The following FRMD6 variants were observed in gnomAD, a reference collection of about 807,000 sequenced individuals.
FRMD6 encodes FERM domain containing 6, also known as FERM domain-containing protein 6.
A neutral mutation model predicts 73.2 loss-of-function variants in FRMD6; 37 were observed. The ratio of observed to expected loss-of-function variants is 0.51; its 90% CI spans 0.39 to 0.66. The LOEUF (loss-of-function observed/expected upper bound fraction) is 0.66, where lower values mean the gene tolerates loss of function less well. FRMD6 is among the 30% of genes least tolerant of loss of function. The probability of loss-of-function intolerance (pLI) is 0.00; values close to 1 mark genes in which losing one functional copy is unlikely to be tolerated. For synonymous variants in FRMD6, 273 were observed against 282.2 expected, an observed-to-expected ratio of 0.97 and a Z score of 0.33; for missense variants, 714 against 780.5, an observed-to-expected ratio of 0.91 and a Z score of 1.02.
chr14:51,691,922 T>A (rs1204451489), intron 2 of FRMD6, among the ~76,000 whole-genome samples: 2 of 147,582 alleles, frequency 1.4e-5, no homozygotes, highest in African/African-American at 5.0e-5. Flanking sequence ...ATCCAATTGC[T>A]ATATAAAAGA....
the FRMD6 span, among the ~76,000 whole-genome samples, chr14:51,460,594 A>T: frequency 6.6e-6 from 1 of 152,350 alleles, no homozygotes; most frequent in East Asian, 1.9e-4. Context: ...TTTCTAAAAA[A>T]TCAGCAGAGT....
intron 2 of FRMD6, 100 bp from the exon 3 acceptor site, chr14:51,698,042 T>G (rs985693234): frequency 7.9e-6 from 6 of 757,932 alleles, no homozygotes; most frequent in Admixed American, 6.7e-5. Context: ...AGCTTGTCCT[T>G]TCAAGGAATA....
At chr14:51,470,929 A>G in the FRMD6 span, among the ~76,000 whole-genome samples, 1 of 152,224 alleles carries the variant, frequency 6.6e-6, no homozygotes, top group African/African-American at 2.4e-5. Flanking sequence ...ATTTTTAAAA[A>G]TGTATTATGT....
chr14:51,670,274 G>C (rs968750655), intron 1 of FRMD6, among the ~76,000 whole-genome samples: 2 of 152,042 alleles, frequency 1.3e-5, no homozygotes, highest in Non-Finnish European at 2.9e-5. Context: ...GTGGAGATGG[G>C]GGTCTCACTA....
chr14:51,536,081 T>C (rs1489792375), intron 1 of FRMD6, among the ~76,000 whole-genome samples: 1 of 107,430 alleles, frequency 9.3e-6, no homozygotes, highest in East Asian at 2.7e-4. Context: ...ATATATTTTA[T>C]ATATATATAT....
At chr14:51,489,905 T>C (rs182983713) in intron 1 of FRMD6, among the ~76,000 whole-genome samples, 106 of 152,326 alleles carry the variant, frequency 7.0e-4, no homozygotes, top group Non-Finnish European at 1.1e-3. Flanking sequence ...ATCATAAGTT[T>C]TTAAAAAGGA....
chr14:51,674,205 G>A (rs774717928), intron 1 of FRMD6, among the ~76,000 whole-genome samples: 8 of 152,078 alleles, frequency 5.3e-5, no homozygotes, highest in Non-Finnish European at 8.8e-5. Flanking sequence ...TTCCTAGAAA[G>A]CCCACTATGA....
chr14:51,479,494 A>G, the FRMD6 span, among the ~76,000 whole-genome samples: 1 of 152,228 alleles, frequency 6.6e-6, no homozygotes, highest in Non-Finnish European at 1.5e-5. Flanking sequence ...CTAGTTAGAG[A>G]GGTCACACAA....
chr14:51,470,063 T>C, the FRMD6 span, among the ~76,000 whole-genome samples: 1 of 152,202 alleles, frequency 6.6e-6, no homozygotes, highest in African/African-American at 2.4e-5. Flanking sequence ...CTAAAAACTT[T>C]GTTTATAACA....
intron 2 of FRMD6, among the ~76,000 whole-genome samples, chr14:51,638,326 G>A (rs552723108): frequency 1.3e-5 from 2 of 152,252 alleles, no homozygotes; most frequent in African/African-American, 4.8e-5. Context: ...AATAAGCTGA[G>A]TGAGAGCGGA....
chr14:51,530,704 C>A (rs1275182365), intron 1 of FRMD6, among the ~76,000 whole-genome samples: 1 of 151,540 alleles, frequency 6.6e-6, no homozygotes, highest in Non-Finnish European at 1.5e-5. Flanking sequence ...CTAGGCTGGT[C>A]TTGAACTCCT....
intron 2 of FRMD6, among the ~76,000 whole-genome samples, chr14:51,582,893 C>T (rs571360290): frequency 1.3e-5 from 2 of 152,086 alleles, no homozygotes; most frequent in Non-Finnish European, 2.9e-5. Context: ...TTCATCTTGA[C>T]CATATTTGGA....
rs1721361369 is a variant in FRMD6 at position 51,690,086 on chromosome 14, T to C, written c.99+151T>C. On this transcript the variant is annotated intron_variant, in intron 2 of 13. Coordinates refer to ENST00000344768, the MANE Select transcript of FRMD6 (RefSeq NM_001267046.2). ...GTTGTCAAATAGTCCATACATACAT[T>C]AACTTAGCTTTGTGGCTTGTGTGCA... 3 of 659,512 alleles carry C rather than the reference T, an allele frequency of 4.5e-6. No homozygotes were observed. In the Admixed American group the frequency reaches 6.6e-5, roughly 15 times the overall value. The allele number at this position is 659,512 out of a possible 1,614,324, so 40.9% of individuals were successfully genotyped here.
intron 9 of FRMD6, chr14:51,714,963 G>A (rs746156271): frequency 3.8e-4 from 59 of 157,074 alleles, no homozygotes; most frequent in Non-Finnish European, 6.7e-4. Context: ...AGAATTGGTT[G>A]CCTTGTTGCT....
At position 51,628,969 on chromosome 14, in the gene FRMD6, C is replaced by T. The variant is rs1307722237; in HGVS notation, c.-147+58559C>T. Among the ~76,000 whole-genome samples, 8 of 150,414 alleles carry T rather than the reference C, an allele frequency of 5.3e-5. No homozygotes were observed. The East Asian group carries it at 1.0e-3, about 19-fold the overall frequency. ...TCGGCTCACTGCAAGCTCCGCCTCC[C>T]GGGTTCACGCCATTCTCCTGCCTCA... On this transcript the variant is annotated intron_variant, in intron 2 of 14. Transcript: ENST00000356218.
intron 1 of FRMD6, among the ~76,000 whole-genome samples, chr14:51,563,829 A>C (rs1887624894): frequency 6.6e-6 from 1 of 152,202 alleles, no homozygotes; most frequent in Admixed American, 6.5e-5. Context: ...TGGAAAGTCC[A>C]TTTTTATTCA....
chr14:51,604,828 C>A (rs1360597317), intron 2 of FRMD6, among the ~76,000 whole-genome samples: 1 of 152,184 alleles, frequency 6.6e-6, no homozygotes, highest in East Asian at 1.9e-4. Context: ...CCTCTGTACT[C>A]CCAACCTCCT....
intron 7 of FRMD6, among the ~76,000 whole-genome samples, chr14:51,709,894 A>T (rs4432189): frequency 0.11 from 16,030 of 152,050 alleles, 1,063 homozygotes; most frequent in Non-Finnish European, 0.16. Context: ...TATAATCCTG[A>T]GCTGTCTATT....
chr14:51,597,947 A>G (rs1485746102), intron 2 of FRMD6, among the ~76,000 whole-genome samples: 1 of 152,192 alleles, frequency 6.6e-6, no homozygotes, highest in Non-Finnish European at 1.5e-5. Flanking sequence ...AGGATGATTC[A>G]AAACAGATGC....
Sources: allele counts gnomAD v4.1 joint callset (sites outside exome capture counted in the v4.1 genomes callset), GRCh38; gene constraint gnomAD v4.1.1; transcripts MANE v1.5; gene names NCBI Gene and HGNC (gene_info 2026-07-23, HGNC 2026-07-21).